The following GUCY1A2 variants were observed in gnomAD, a reference collection of about 807,000 sequenced individuals.
The protein encoded by GUCY1A2 is guanylate cyclase 1 soluble subunit alpha 2.
A neutral mutation model predicts 63.5 loss-of-function variants in GUCY1A2; 27 were observed. The observed-to-expected ratio is 0.43, with a 90% CI of 0.31 to 0.59. The LOEUF is 0.59. Ranked by LOEUF, GUCY1A2 falls within the 20% of genes least tolerant of loss-of-function variation. The pLI, the probability that GUCY1A2 is intolerant of heterozygous loss-of-function variation, is 0.11. For missense variants in GUCY1A2, 768 were observed against 913.3 expected, an observed-to-expected ratio of 0.84 and a Z score of 2.05; for synonymous variants, 364 against 343.5, an observed-to-expected ratio of 1.06 and a Z score of -0.66.
chr11:106,978,257 C>A (rs575681874), intron 3 of GUCY1A2, among the ~76,000 whole-genome samples: 1 of 152,214 alleles, frequency 6.6e-6, no homozygotes, highest in Admixed American at 6.5e-5. Context: ...CAACCAGGAC[C>A]TCCCAGAAGT....
Position 106,675,652 on chromosome 11 carries a change from C to G in GUCY1A2, c.*11897G>C. The G allele has an allele frequency of 5.3e-6, 1 of 187,620 alleles. No homozygotes were observed. The highest frequency in any genetic ancestry group is 1.1e-5 in the Non-Finnish European group (1 of 88,984). The allele number at this position is 187,620 out of a possible 1,614,324, so 11.6% of individuals were successfully genotyped here. ...ATTAAAATATTTCCCTAAAGAAATA[C>G]AAATGGTAAAGGTATTGAAAGTCAC... On this transcript the variant is annotated 3_prime_UTR_variant, in exon 8 of 8. Coordinates refer to ENST00000526355, the MANE Select transcript of GUCY1A2 (RefSeq NM_000855.3).
chr11:106,807,206 C>G (rs906199893), intron 5 of GUCY1A2, among the ~76,000 whole-genome samples: 1 of 152,058 alleles, frequency 6.6e-6, no homozygotes, highest in Non-Finnish European at 1.5e-5. Context: ...TAAAATAAGA[C>G]TTGTGGTCCT....
chr11:106,785,152 C>T (rs965902041), intron 5 of GUCY1A2, among the ~76,000 whole-genome samples: 9 of 152,284 alleles, frequency 5.9e-5, no homozygotes, highest in African/African-American at 1.4e-4. Flanking sequence ...GAGACCCTAA[C>T]GGAGACGATG....
intron 4 of GUCY1A2, among the ~76,000 whole-genome samples, chr11:106,868,590 C>T (rs570996464): frequency 9.9e-5 from 15 of 152,056 alleles, no homozygotes; most frequent in Non-Finnish European, 1.8e-4. Context: ...CAAACCACTG[C>T]TCAACAAAAT....
At chr11:106,693,692 C>A (rs1374105908) in intron 7 of GUCY1A2, among the ~76,000 whole-genome samples, 1 of 152,032 alleles carries the variant, frequency 6.6e-6, no homozygotes, top group Non-Finnish European at 1.5e-5. Flanking sequence ...TTAAAACATT[C>A]TATTTTCTGG....
intron 4 of GUCY1A2, among the ~76,000 whole-genome samples, chr11:106,843,623 T>C (rs1859231138): frequency 1.3e-5 from 2 of 151,886 alleles, no homozygotes; most frequent in Non-Finnish European, 2.9e-5. Flanking sequence ...ACTTTATTGA[T>C]AAAGGTTCTA....
intron 5 of GUCY1A2, among the ~76,000 whole-genome samples, chr11:106,801,991 T>C (rs2135419395): frequency 6.6e-6 from 1 of 152,298 alleles, no homozygotes; most frequent in South Asian, 2.1e-4. Context: ...ATGTGAATTC[T>C]GTTAGTTTCA....
intron 4 of GUCY1A2, among the ~76,000 whole-genome samples, chr11:106,859,832 A>C (rs1859485159): frequency 6.6e-6 from 1 of 151,992 alleles, no homozygotes; most frequent in Non-Finnish European, 1.5e-5. Context: ...ACAGGTTTGC[A>C]GCTTCAGAGC....
chr11:106,894,557 C>T (rs564580154), intron 4 of GUCY1A2, among the ~76,000 whole-genome samples: 27 of 152,126 alleles, frequency 1.8e-4, no homozygotes, highest in Non-Finnish European at 3.7e-4. Context: ...GGCCATAAAA[C>T]ACACTTTAAC....
rs1416445628 is a variant in GUCY1A2 at position 106,676,539 on chromosome 11, G to C, written c.*11010C>G. 1.1e-5 allele frequency: 2 copies of C among 186,640 alleles called. No individual in the cohort carries two copies. Among genetic ancestry groups the C allele is most frequent in the African/African-American group, 2.3e-5 (1 of 42,690 alleles). The allele number at this position is 186,640 out of a possible 1,614,324, so 11.6% of individuals were successfully genotyped here. ...TGTATATTGCTTTTTCAATAGAGTA[G>C]ACATAAAATTGATGACAAATGTTTC... On this transcript the variant is annotated 3_prime_UTR_variant, in exon 8 of 8. Transcript: ENST00000526355.
intron 4 of GUCY1A2, among the ~76,000 whole-genome samples, chr11:106,930,711 G>A (rs1944208): frequency 0.15 from 23,219 of 152,176 alleles, 2,134 homozygotes; most frequent in South Asian, 0.27. Flanking sequence ...AAGTAAAACT[G>A]TAACAAAATA....
At chr11:106,941,268 T>C (rs1277964301) in intron 3 of GUCY1A2, among the ~76,000 whole-genome samples, 1 of 152,200 alleles carries the variant, frequency 6.6e-6, no homozygotes, top group African/African-American at 2.4e-5. Context: ...TAGTGCTGGA[T>C]ATTACAATGA....
chr11:106,872,152 T>C (rs1859687865), intron 4 of GUCY1A2, among the ~76,000 whole-genome samples: 1 of 152,154 alleles, frequency 6.6e-6, no homozygotes, highest in African/African-American at 2.4e-5. Context: ...CAAAATTAAC[T>C]ATAATTAAAT....
chr11:106,717,026 G>A (rs1420385324), intron 6 of GUCY1A2, among the ~76,000 whole-genome samples: 1 of 152,042 alleles, frequency 6.6e-6, no homozygotes, highest in Non-Finnish European at 1.5e-5. Flanking sequence ...CAACAGAGAT[G>A]CCAAGTTCAT....
rs572673432 is a variant in GUCY1A2 at position 106,674,291 on chromosome 11, A to G, written c.*13258T>C. On this transcript the variant is annotated 3_prime_UTR_variant, in exon 8 of 8. Coordinates refer to ENST00000526355, the MANE Select transcript of GUCY1A2 (RefSeq NM_000855.3). ...ACATTGTGAATGATTTCGAATAATA[A>G]CAAATAAAAGAATGAGTAAAAAGTG... 8.8e-5 allele frequency: 16 copies of G among 181,624 alleles called. No individual in the cohort carries two copies. The highest frequency in any genetic ancestry group is 3.5e-4 in the African/African-American group (15 of 42,646). 11.3% of individuals were successfully genotyped at this position (181,624 alleles called of 1,614,324 possible).
chr11:106,884,035 G>A (rs1434493787), intron 4 of GUCY1A2, among the ~76,000 whole-genome samples: 2 of 152,132 alleles, frequency 1.3e-5, no homozygotes, highest in East Asian at 3.9e-4. Flanking sequence ...ACCAGGGCCT[G>A]TCATGGGGAA....
Position 106,986,124 on chromosome 11 carries a change from G to A in GUCY1A2, c.311C>T (p.Thr104Met), listed in dbSNP as rs768825523. Residue 104 changes from threonine to methionine, a missense_variant, in exon 2 of 8, where the codon ACG becomes ATG. Thr to Met is a moderately conservative substitution (Grantham distance 81). Around this residue, in one of 3 missense-constraint regions of GUCY1A2, gnomAD observed 496 missense variants for 486.9 expected, o/e 1.02. Coordinates refer to ENST00000526355, the MANE Select transcript of GUCY1A2 (RefSeq NM_000855.3). ...ISRLTAPSPQTIQQTLKRTLQ... is the reference protein window; with the variant it reads ...ISRLTAPSPQMIQQTLKRTLQ... ...TGTCCTCTTGAGAGTCTGCTGTATC[G>A]TCTGAGGCTACAGAATAATAATAAT... The A allele has an allele frequency of 1.6e-5, 23 of 1,434,398 alleles. No individual in the cohort carries two copies. In the East Asian group the frequency reaches 2.7e-4, roughly 17 times the overall value. 88.9% of individuals were successfully genotyped at this position (1,434,398 alleles called of 1,614,324 possible).
At chr11:106,882,156 T>G (rs1461679079) in intron 4 of GUCY1A2, among the ~76,000 whole-genome samples, 1 of 151,972 alleles carries the variant, frequency 6.6e-6, no homozygotes, top group Non-Finnish European at 1.5e-5. Context: ...TTGACTCAGT[T>G]TTTTTACACT....
At chr11:106,782,707 A>G (rs1300913961) in intron 5 of GUCY1A2, among the ~76,000 whole-genome samples, 2 of 152,160 alleles carry the variant, frequency 1.3e-5, no homozygotes, top group African/African-American at 2.4e-5. Flanking sequence ...GAAACTGAAC[A>G]ATGAGGTCAA....
Sources: gnomAD v4.1 joint callset for allele counts (sites outside exome capture counted in the v4.1 genomes callset) on GRCh38, gnomAD v4.1.1 for gene constraint, gnomAD v4.1.1 regional missense constraint, MANE v1.5 for transcripts, NCBI Gene and HGNC (gene_info 2026-07-23, HGNC 2026-07-21) for gene names.